DRC5: variants seen among roughly 807,000 people sequenced by gnomAD.
DRC5 encodes T-complex-associated testis-expressed protein 1.
chr6:44,294,882 G>A, the DRC5 span, among the ~76,000 whole-genome samples: 3 of 152,038 alleles, frequency 2.0e-5, no homozygotes, highest in African/African-American at 7.2e-5. Context: ...AGGAGTCTGA[G>A]AGAGCTCTGC....
At chr6:44,285,997 C>T in the DRC5 span, 1 of 1,613,920 alleles carries the variant, frequency 6.2e-7, no homozygotes. Flanking sequence ...TGGCGGCTGC[C>T]AAGGAGAGGC....
chr6:44,286,341 C>A, the DRC5 span: 2 of 1,613,836 alleles, frequency 1.2e-6, no homozygotes, highest in Non-Finnish European at 1.7e-6. Flanking sequence ...AGGTGCCGCT[C>A]GAAGAACATG....
the DRC5 span, among the ~76,000 whole-genome samples, chr6:44,286,694 G>A: frequency 2.0e-5 from 3 of 152,168 alleles, no homozygotes; most frequent in Non-Finnish European, 4.4e-5. Context: ...AGCAGAGGGT[G>A]GGACACAGCC....
the DRC5 span, among the ~76,000 whole-genome samples, chr6:44,296,125 A>C: frequency 6.6e-6 from 1 of 152,240 alleles, no homozygotes; most frequent in African/African-American, 2.4e-5. Flanking sequence ...CTAGCTAGTA[A>C]GTGGAGAAGC....
chr6:44,282,240 T>C, the DRC5 span: 1 of 1,614,178 alleles, frequency 6.2e-7, no homozygotes. Flanking sequence ...GAGGCACTTG[T>C]TGGTCTGCAA....
the DRC5 span, among the ~76,000 whole-genome samples, chr6:44,285,092 C>T: frequency 6.6e-6 from 1 of 152,200 alleles, no homozygotes; most frequent in Non-Finnish European, 1.5e-5. Flanking sequence ...TTCACTCTGC[C>T]CATAGAGCCT....
At chr6:44,280,845 G>C in the DRC5 span, among the ~76,000 whole-genome samples, 1 of 152,252 alleles carries the variant, frequency 6.6e-6, no homozygotes. Flanking sequence ...AAGCACTAGC[G>C]AGGCATTGGC....
chr6:44,285,926 T>C, the DRC5 span: 1 of 1,550,900 alleles, frequency 6.4e-7, no homozygotes, highest in Non-Finnish European at 8.8e-7. Context: ...TGAGAGATGC[T>C]GAGAAGGGGT....
At chr6:44,280,430 T>C in the DRC5 span, 1 of 1,498,162 alleles carries the variant, frequency 6.7e-7, no homozygotes, top group South Asian at 1.2e-5. Flanking sequence ...TTTACATCAC[T>C]ACCCAGGATC....
chr6:44,283,438 A>C, the DRC5 span, among the ~76,000 whole-genome samples: 1 of 152,116 alleles, frequency 6.6e-6, no homozygotes, highest in Non-Finnish European at 1.5e-5. Flanking sequence ...GGCAGTATGA[A>C]TATTGTCCAT....
At chr6:44,282,112 GC>G in the DRC5 span, 1 of 1,610,406 alleles carries the variant, frequency 6.2e-7, no homozygotes, top group African/African-American at 1.3e-5. Context: ...TGGCTCACCA[GC>G]CCGATGTGGT....
chr6:44,290,729 T>G, the DRC5 span, among the ~76,000 whole-genome samples: 84 of 152,314 alleles, frequency 5.5e-4, no homozygotes, highest in Admixed American at 2.3e-3. Flanking sequence ...AGGACCAGGC[T>G]TGGCAGGGGG....
At chr6:44,282,853 A>AGT in the DRC5 span, among the ~76,000 whole-genome samples, 2 of 122,356 alleles carry the variant, frequency 1.6e-5, no homozygotes, top group African/African-American at 6.4e-5. Context: ...CCCAGGCTGG[A>AGT]GTGCAGTGGC....
chr6:44,282,799 C>CTTTTTTTTTT, the DRC5 span, among the ~76,000 whole-genome samples: 101 of 105,204 alleles, frequency 9.6e-4, no homozygotes, highest in Non-Finnish European at 1.3e-3. Context: ...CCTTTTTTAT[C>CTTTTTTTTTT]TTTTTTTTTT....
chr6:44,282,500 G>A, the DRC5 span: 1 of 1,607,242 alleles, frequency 6.2e-7, no homozygotes, highest in Admixed American at 1.7e-5. Flanking sequence ...GGTCCAGAAG[G>A]CTTCGAATTA....
the DRC5 span, chr6:44,286,195 C>T: frequency 1.9e-6 from 3 of 1,611,712 alleles, 1 homozygote; most frequent in South Asian, 3.3e-5. Context: ...CCGGCCGGAG[C>T]TGGGCCGGGA....
the DRC5 span, among the ~76,000 whole-genome samples, chr6:44,290,165 T>C: frequency 7.9e-5 from 12 of 152,328 alleles, no homozygotes; most frequent in East Asian, 1.5e-3. Context: ...TAATGGCATC[T>C]CAGAGTGTAG....
chr6:44,292,635 T>C, the DRC5 span, among the ~76,000 whole-genome samples: 2 of 152,148 alleles, frequency 1.3e-5, no homozygotes, highest in African/African-American at 2.4e-5. Flanking sequence ...GGAGTGTCTA[T>C]TGGTCAGGGC....
chr6:44,291,964 T>C, the DRC5 span, among the ~76,000 whole-genome samples: 2 of 125,116 alleles, frequency 1.6e-5, no homozygotes, highest in East Asian at 2.6e-4. Context: ...CCAGGCAGCC[T>C]CTCCTTTCCT....
Sources: allele counts gnomAD v4.1 joint callset (sites outside exome capture counted in the v4.1 genomes callset), GRCh38; gene constraint gnomAD v4.1.1; transcripts MANE v1.5; gene names NCBI Gene and HGNC (gene_info 2026-07-23, HGNC 2026-07-21).